SYNE1: variants seen among roughly 807,000 people sequenced by gnomAD.
The protein encoded by SYNE1 is nesprin-1.
In SYNE1, 616 loss-of-function variants were observed where a neutral mutation model predicts 1,111.0. The ratio of observed to expected loss-of-function variants is 0.55; its 90% CI spans 0.52 to 0.59. The LOEUF (loss-of-function observed/expected upper bound fraction) is 0.59, where lower values mean the gene tolerates loss of function less well. Among genes scored for constraint, SYNE1 ranks in the 20% least tolerant of loss-of-function variants. The pLI, the probability that SYNE1 is intolerant of heterozygous loss-of-function variation, is 0.00. For synonymous variants in SYNE1, 3,855 were observed against 3,825.8 expected (o/e 1.01, Z -0.28); for missense variants, 10,006 against 10,417.0 (o/e 0.96, Z 1.72).
chr6:152,424,522 G>A (rs946796275), intron 39 of SYNE1, among the ~76,000 whole-genome samples: 10 of 152,006 alleles, frequency 6.6e-5, no homozygotes, highest in Admixed American at 5.9e-4. Context: ...ATAATACTTC[G>A]TGTTCACCCC....
chr6:152,425,035 T>C (rs982265436), intron 39 of SYNE1, among the ~76,000 whole-genome samples: 4 of 152,204 alleles, frequency 2.6e-5, no homozygotes, highest in African/African-American at 4.8e-5. Context: ...ATGCCTCTGG[T>C]TGAGAAATGT....
At chr6:152,381,442 G>T in intron 55 of SYNE1, 80 bp from the exon 56 acceptor site, 3 of 1,415,704 alleles carry the variant, frequency 2.1e-6, no homozygotes, top group African/African-American at 1.4e-5. Flanking sequence ...TACACAGGGG[G>T]ACCCTGTCCT....
intron 94 of SYNE1, 36 bp from the exon 95 acceptor site, chr6:152,293,785 A>G: frequency 6.2e-7 from 1 of 1,613,740 alleles, no homozygotes; most frequent in Non-Finnish European, 8.5e-7. Flanking sequence ...AATGCTTCCC[A>G]GCCCCTTATC....
rs187734209 is a variant in SYNE1, at chr6:152,474,062, G to T, written c.1351-1649C>A. 1.8e-4 allele frequency among the ~76,000 whole-genome samples: 27 copies of T among 152,034 alleles called. No homozygotes were observed. In the East Asian group the frequency reaches 4.3e-3, roughly 24 times the overall value. ...TAGCCAGGCATGGTGGCGTGCACCT[G>T]TAGTCCCAGCTACTTGGAAGGCTGA... On this transcript the variant is annotated intron_variant, in intron 14 of 145. Transcript: ENST00000367255.
intron 34 of SYNE1, among the ~76,000 whole-genome samples, chr6:152,431,861 T>C (rs900439726): frequency 1.6e-4 from 24 of 152,330 alleles, no homozygotes; most frequent in African/African-American, 4.8e-4. Context: ...TGAGCATTTA[T>C]ACAGGCTTCC....
intron 3 of SYNE1, among the ~76,000 whole-genome samples, chr6:152,578,902 T>C (rs2099510239): frequency 6.6e-6 from 1 of 152,200 alleles, no homozygotes; most frequent in Non-Finnish European, 1.5e-5. Context: ...TATTTAAAAA[T>C]CCATCAAGTC....
intron 3 of SYNE1, among the ~76,000 whole-genome samples, chr6:152,599,393 C>T (rs936529682): frequency 3.3e-5 from 5 of 152,208 alleles, no homozygotes; most frequent in African/African-American, 9.7e-5. Flanking sequence ...ACTTCCCGCC[C>T]TTGACATGCT....
At chr6:152,154,865 G>A in intron 133 of SYNE1, 27 bp downstream of exon 133, 2 of 1,613,430 alleles carry the variant, frequency 1.2e-6, no homozygotes, top group South Asian at 1.1e-5. Context: ...GCAAAATAAG[G>A]ATTAAAAATT....
intron 45 of SYNE1, 125 bp downstream of exon 45, chr6:152,406,889 T>G: frequency 1.7e-6 from 1 of 603,922 alleles, no homozygotes; most frequent in Non-Finnish European, 2.3e-6. Context: ...AATAATATAA[T>G]AATAAAATAA....
At chr6:152,372,077 C>T (rs1357524674) in intron 59 of SYNE1, among the ~76,000 whole-genome samples, 1 of 152,140 alleles carries the variant, frequency 6.6e-6, no homozygotes, top group Non-Finnish European at 1.5e-5. Context: ...ACCTACTCAC[C>T]TACTCTTGGG....
chr6:152,341,770 C>T (rs548915594), intron 74 of SYNE1, among the ~76,000 whole-genome samples: 4 of 152,238 alleles, frequency 2.6e-5, no homozygotes, highest in Admixed American at 6.5e-5. Context: ...GAAACCGTGA[C>T]TTCTTTAAGC....
At chr6:152,518,355 G>A (rs2154346023) in intron 6 of SYNE1, among the ~76,000 whole-genome samples, 1 of 152,056 alleles carries the variant, frequency 6.6e-6, no homozygotes, top group Non-Finnish European at 1.5e-5. Flanking sequence ...CAATAGTTTA[G>A]CACCATCCCT....
chr6:152,482,398 G>A (rs2098910926), intron 14 of SYNE1, among the ~76,000 whole-genome samples: 1 of 152,122 alleles, frequency 6.6e-6, no homozygotes, highest in African/African-American at 2.4e-5. Context: ...GTCAGGAGTA[G>A]AAATCTCTAT....
intron 130 of SYNE1, among the ~76,000 whole-genome samples, chr6:152,174,242 G>C (rs922129469): frequency 8.5e-5 from 13 of 152,176 alleles, no homozygotes; most frequent in African/African-American, 2.7e-4. Context: ...GTTTCCCTAA[G>C]AAGGATATTT....
chr6:152,302,516 T>C (rs2153815340), intron 91 of SYNE1, among the ~76,000 whole-genome samples: 1 of 152,310 alleles, frequency 6.6e-6, no homozygotes, highest in Non-Finnish European at 1.5e-5. Context: ...CCCTACTGAG[T>C]ACATTCAACA....
chr6:152,257,021 G>A (rs922815904), intron 101 of SYNE1, among the ~76,000 whole-genome samples: 3 of 151,574 alleles, frequency 2.0e-5, no homozygotes, highest in Non-Finnish European at 4.4e-5. Flanking sequence ...AATAAGTTCT[G>A]GTGTTCTATT....
chr6:152,293,961 A>G lies in SYNE1; in HGVS notation c.17849T>C (p.Val5950Ala), dbSNP rs766209657. The G allele has an allele frequency of 9.3e-6, 15 of 1,614,136 alleles. No individual in the cohort carries two copies. Among genetic ancestry groups the G allele is most frequent in the East Asian group, 2.2e-5 (1 of 44,888 alleles). Residue 5950 changes from valine (V) to alanine (A), a missense_variant and splice_region_variant, in exon 94 of 146, where the codon GTG (valine) becomes GCG (alanine). Val to Ala is a moderately conservative substitution (Grantham distance 64). Around this residue, in one of 7 missense-constraint regions of SYNE1, gnomAD observed 4,955 missense variants for 5,017.2 expected, o/e 0.99. Transcript: ENST00000367255. ...LQRSWETLKNVISEKQRTLYE... is the reference protein window; with the variant it reads ...LQRSWETLKNAISEKQRTLYE... ...AACTAGTCCACCTTGAAGACTTACC[A>G]CATTCTTTAAGGTTTCCCAAGAACG...
intron 123 of SYNE1, among the ~76,000 whole-genome samples, chr6:152,211,937 A>C (rs2077597424): frequency 6.6e-6 from 1 of 152,122 alleles, no homozygotes; most frequent in African/African-American, 2.4e-5. Flanking sequence ...AACTTAGAGA[A>C]TAGCTTAGGA....
intron 127 of SYNE1, among the ~76,000 whole-genome samples, chr6:152,200,307 C>T (rs926907922): frequency 9.8e-5 from 15 of 152,296 alleles, no homozygotes; most frequent in East Asian, 5.8e-4. Flanking sequence ...AATGTTTTCA[C>T]GAGCTTTTGT....
Sources: gnomAD v4.1 joint callset for allele counts (sites outside exome capture counted in the v4.1 genomes callset) on GRCh38, gnomAD v4.1.1 for gene constraint, gnomAD v4.1.1 regional missense constraint, MANE v1.5 for transcripts, NCBI Gene and HGNC (gene_info 2026-07-23, HGNC 2026-07-21) for gene names.